Variants in B3GLCT observed in about 807,000 individuals in gnomAD.
The protein encoded by B3GLCT is beta 3-glucosyltransferase, also known as beta-1,3-glucosyltransferase.
Under a neutral mutation model 63.4 loss-of-function variants are expected in B3GLCT, and 65 were observed. The observed-to-expected ratio is 1.03, with a 90% CI of 0.84 to 1.26. The LOEUF (loss-of-function observed/expected upper bound fraction) is 1.26, where lower values mean the gene tolerates loss of function less well. Ranked by LOEUF, B3GLCT falls within the 50% of genes most tolerant of loss-of-function variation. The probability of loss-of-function intolerance (pLI) is 0.00; values close to 1 mark genes in which losing one functional copy is unlikely to be tolerated. For synonymous variants in B3GLCT, 233 were observed against 219.2 expected (o/e 1.06, Z -0.55); for missense variants, 577 against 604.8 (o/e 0.95, Z 0.48).
chr13:31,215,350 T>C (rs557464522), intron 2 of B3GLCT, among the ~76,000 whole-genome samples: 1 of 152,348 alleles, frequency 6.6e-6, no homozygotes, highest in South Asian at 2.1e-4. Context: ...TGTTTTGACA[T>C]AGAGTTGGAC....
At chr13:31,261,105 T>TGG in intron 7 of B3GLCT, 23 bp downstream of exon 7, 1 of 1,579,522 alleles carries the variant, frequency 6.3e-7, no homozygotes, top group Non-Finnish European at 8.6e-7. Context: ...TGGAATTTTT[T>TGG]CGGGGGGCGG....
intron 14 of B3GLCT, among the ~76,000 whole-genome samples, chr13:31,328,389 TAAAC>T (rs539212746): frequency 8.2e-4 from 125 of 152,182 alleles, no homozygotes; most frequent in African/African-American, 3.0e-3. Flanking sequence ...TATAAATTAA[TAAAC>T]AAATTTAAGA....
At chr13:31,275,500 T>G (rs1181826443) in intron 9 of B3GLCT, among the ~76,000 whole-genome samples, 1 of 152,230 alleles carries the variant, frequency 6.6e-6, no homozygotes, top group East Asian at 1.9e-4. Flanking sequence ...CAGTGCTTTC[T>G]GTGACACCCA....
chr13:31,271,049 C>T (rs1434024282), intron 8 of B3GLCT, among the ~76,000 whole-genome samples: 1 of 152,250 alleles, frequency 6.6e-6, no homozygotes, highest in Non-Finnish European at 1.5e-5. Flanking sequence ...CTGGTGGCTC[C>T]ACCCCATTCT....
intron 12 of B3GLCT, among the ~76,000 whole-genome samples, chr13:31,295,377 C>T (rs575072765): frequency 6.6e-6 from 1 of 152,288 alleles, no homozygotes; most frequent in Non-Finnish European, 1.5e-5. Context: ...TCAGAGCCGG[C>T]AGGCATGAAC....
chr13:31,275,187 A>G (rs1043126126), intron 9 of B3GLCT, among the ~76,000 whole-genome samples: 2 of 152,216 alleles, frequency 1.3e-5, no homozygotes, highest in Non-Finnish European at 2.9e-5. Flanking sequence ...GAAAATCAAC[A>G]TTTTCCCTGT....
intron 12 of B3GLCT, among the ~76,000 whole-genome samples, chr13:31,292,314 G>T (rs530962011): frequency 6.6e-6 from 1 of 152,124 alleles, no homozygotes. Flanking sequence ...TCAGAATGAG[G>T]CTGGCCTTAT....
At chr13:31,308,157 G>A (rs1202797470) in intron 12 of B3GLCT, among the ~76,000 whole-genome samples, 7 of 43,004 alleles carry the variant, frequency 1.6e-4, no homozygotes, top group African/African-American at 4.3e-4. Flanking sequence ...ACAGGAAGGG[G>A]AATATCACAC....
intron 4 of B3GLCT, among the ~76,000 whole-genome samples, chr13:31,229,664 T>C (rs1008208786): frequency 6.6e-6 from 1 of 151,680 alleles, no homozygotes; most frequent in Admixed American, 6.6e-5. Flanking sequence ...AAGAATCGCT[T>C]GAACCCAGGA....
At chr13:31,208,378 G>A (rs972329141) in intron 1 of B3GLCT, among the ~76,000 whole-genome samples, 2 of 152,084 alleles carry the variant, frequency 1.3e-5, no homozygotes, top group African/African-American at 4.8e-5. Context: ...CCGTTCTGGT[G>A]CGCTGTGGAG....
At chr13:31,236,005 C>T (rs1870629134) in intron 4 of B3GLCT, among the ~76,000 whole-genome samples, 1 of 152,224 alleles carries the variant, frequency 6.6e-6, no homozygotes, top group South Asian at 2.1e-4. Context: ...CCTCAGTCCA[C>T]TGTGATGGAC....
intron 3 of B3GLCT, among the ~76,000 whole-genome samples, chr13:31,224,186 C>G (rs1213164738): frequency 6.6e-6 from 1 of 152,096 alleles, no homozygotes; most frequent in African/African-American, 2.4e-5. Context: ...TAAGGAACCA[C>G]GTCAATTTGT....
At chr13:31,297,452 G>T (rs1329445028) in intron 12 of B3GLCT, among the ~76,000 whole-genome samples, 1 of 144,834 alleles carries the variant, frequency 6.9e-6, no homozygotes, top group African/African-American at 2.6e-5. Context: ...ATGATTAGTT[G>T]GTTAGGAAAA....
chr13:31,277,766 T>C (rs1366180836), intron 10 of B3GLCT, among the ~76,000 whole-genome samples: 1 of 152,194 alleles, frequency 6.6e-6, no homozygotes, highest in Non-Finnish European at 1.5e-5. Context: ...AAAATCCAGC[T>C]ATAATCAATT....
At chr13:31,286,691 A>G in intron 11 of B3GLCT, 29 bp from the exon 12 acceptor site, 2 of 1,342,920 alleles carry the variant, frequency 1.5e-6, no homozygotes, top group South Asian at 1.2e-5. Context: ...GAAATAATAC[A>G]TTGTAAGTTT....
chr13:31,241,709 G>T (rs544537512), intron 4 of B3GLCT, among the ~76,000 whole-genome samples: 1 of 152,304 alleles, frequency 6.6e-6, no homozygotes, highest in South Asian at 2.1e-4. Context: ...AAGCCTTGAA[G>T]AAATGTAGTA....
chr13:31,243,916 T>C (rs1305043108), intron 4 of B3GLCT, among the ~76,000 whole-genome samples: 1 of 152,220 alleles, frequency 6.6e-6, no homozygotes, highest in Admixed American at 6.5e-5. Context: ...CCCTTTTCTG[T>C]CATTTATCCA....
intron 6 of B3GLCT, among the ~76,000 whole-genome samples, chr13:31,258,057 T>C (rs1854501600): frequency 6.6e-6 from 1 of 152,116 alleles, no homozygotes; most frequent in African/African-American, 2.4e-5. Flanking sequence ...AAGGGATGCA[T>C]TGGGAATGGG....
chr13:31,278,863 G>C (rs1872921668), intron 10 of B3GLCT, among the ~76,000 whole-genome samples: 2 of 152,156 alleles, frequency 1.3e-5, no homozygotes, highest in Admixed American at 1.3e-4. Flanking sequence ...ACTTCCTCGT[G>C]ATATGATAAT....
Sources: allele counts gnomAD v4.1 joint callset (sites outside exome capture counted in the v4.1 genomes callset), GRCh38; gene constraint gnomAD v4.1.1; transcripts MANE v1.5; gene names NCBI Gene and HGNC (gene_info 2026-07-23, HGNC 2026-07-21).